Variants in IGF1R observed in about 807,000 individuals in gnomAD.
The protein encoded by IGF1R is insulin-like growth factor 1 receptor.
Under a neutral mutation model 144.6 loss-of-function variants are expected in IGF1R, and 44 were observed. The observed-to-expected ratio is 0.30, with a 90% CI of 0.24 to 0.39. IGF1R has a LOEUF of 0.39. IGF1R is among the 10% of genes least tolerant of loss of function. IGF1R has a pLI of 1.00. For synonymous variants in IGF1R, 795 were observed against 722.8 expected, an observed-to-expected ratio of 1.10 and a Z score of -1.60; for missense variants, 1,355 against 1,833.7, an observed-to-expected ratio of 0.74 and a Z score of 4.77.
intron 2 of IGF1R, among the ~76,000 whole-genome samples, chr15:98,747,055 A>G (rs1452148678): frequency 1.3e-5 from 2 of 152,224 alleles, no homozygotes; most frequent in Non-Finnish European, 2.9e-5. Flanking sequence ...TTAACTCTCT[A>G]GTGCCAAATG....
At chr15:98,737,397 C>T (rs2054636056) in intron 2 of IGF1R, among the ~76,000 whole-genome samples, 3 of 152,194 alleles carry the variant, frequency 2.0e-5, no homozygotes, top group Middle Eastern at 3.4e-3. Context: ...GGAACCCTTG[C>T]GTTTGTTCTG....
At chr15:98,917,140 A>G (rs1272383208) in intron 10 of IGF1R, among the ~76,000 whole-genome samples, 1 of 152,194 alleles carries the variant, frequency 6.6e-6, no homozygotes, top group Non-Finnish European at 1.5e-5. Flanking sequence ...AACCCCCCAC[A>G]GAGAGCAGGT....
rs1287929117 is a variant in IGF1R at position 98,762,242 on chromosome 15, T to C, written c.640+54135T>C. 7.0e-5 allele frequency among the ~76,000 whole-genome samples: 9 copies of C among 128,364 alleles called. No individual in the cohort carries two copies. The East Asian group carries it at 2.2e-3, about 32-fold the overall frequency. 84.2% of individuals were successfully genotyped at this position (128,364 alleles called of 152,430 possible). On this transcript the variant is annotated intron_variant, in intron 2 of 20. Transcript: ENST00000650285. ...ATTTTTCTTTTCTTTTCTTTTCTTT[T>C]TTTTTTTTTTTTTGAGATGGAGTCT...
intron 1 of IGF1R, among the ~76,000 whole-genome samples, chr15:98,682,779 T>G (rs1738337515): frequency 6.6e-6 from 1 of 151,852 alleles, no homozygotes; most frequent in Admixed American, 6.6e-5. Context: ...AACTCCTGAT[T>G]AGGTGATCCA....
intron 2 of IGF1R, among the ~76,000 whole-genome samples, chr15:98,726,023 G>A (rs1053868917): frequency 3.9e-5 from 6 of 152,174 alleles, no homozygotes; most frequent in Non-Finnish European, 8.8e-5. Flanking sequence ...CGGGGACACA[G>A]CCAAATCATA....
chr15:98,776,594 A>G (rs1391358921), intron 2 of IGF1R, among the ~76,000 whole-genome samples: 2 of 151,510 alleles, frequency 1.3e-5, no homozygotes, highest in African/African-American at 4.9e-5. Flanking sequence ...CCTTCCCCCT[A>G]CCTCCCTGTT....
chr15:98,788,672 G>A (rs767858254), intron 2 of IGF1R, among the ~76,000 whole-genome samples: 2 of 152,184 alleles, frequency 1.3e-5, no homozygotes, highest in Admixed American at 6.5e-5. Context: ...GGATGCGCCC[G>A]CCCTGCTGAG....
At chr15:98,913,777 A>T (rs1178955683) in intron 8 of IGF1R, among the ~76,000 whole-genome samples, 1 of 152,220 alleles carries the variant, frequency 6.6e-6, no homozygotes, top group Non-Finnish European at 1.5e-5. Context: ...ACTGATGATG[A>T]GGTTCCTCCT....
chr15:98,809,252 G>A (rs1040284850), intron 2 of IGF1R, among the ~76,000 whole-genome samples: 1 of 152,256 alleles, frequency 6.6e-6, no homozygotes, highest in African/African-American at 2.4e-5. Context: ...CTGGCTAGCA[G>A]TACTTCAGGG....
In IGF1R at chr15:98,701,227, G is replaced by A. The variant is rs546362125; in HGVS notation, c.95-6335G>A. On this transcript the variant is annotated intron_variant, in intron 1 of 20. Transcript: ENST00000650285. ...AAGATGATGATTGGTTCACTAATGT[G>A]CTTTACCTTCACAGTGTGCCTGTAG... is the stretch of plus-strand genomic sequence containing the variant. Among the ~76,000 whole-genome samples the A allele has an allele frequency of 3.3e-5, 5 of 151,746 alleles. No homozygotes were observed. In the South Asian group the frequency reaches 1.0e-3, roughly 32 times the overall value.
chr15:98,794,111 A>G (rs1490388972), intron 2 of IGF1R, among the ~76,000 whole-genome samples: 4 of 152,232 alleles, frequency 2.6e-5, no homozygotes, highest in Admixed American at 6.5e-5. Context: ...CAGTTCAGCT[A>G]TGTGACTGAA....
At chr15:98,672,827 GAAA>G (rs1230319217) in intron 1 of IGF1R, among the ~76,000 whole-genome samples, 1 of 152,028 alleles carries the variant, frequency 6.6e-6, no homozygotes, top group Non-Finnish European at 1.5e-5. Context: ...CGGGTACCTG[GAAA>G]GTTGAAGCAG....
At chr15:98,710,210 G>C (rs981839945) in intron 2 of IGF1R, among the ~76,000 whole-genome samples, 1 of 152,282 alleles carries the variant, frequency 6.6e-6, no homozygotes, top group Middle Eastern at 3.4e-3. Flanking sequence ...GCCACGCCCT[G>C]CAGCCTTCTC....
intron 2 of IGF1R, among the ~76,000 whole-genome samples, chr15:98,843,540 T>C (rs1475271326): frequency 1.3e-5 from 2 of 152,148 alleles, no homozygotes; most frequent in Non-Finnish European, 2.9e-5. Context: ...TTTTAAAATA[T>C]TAAAAAATTG....
chr15:98,706,081 T>A (rs1251460419), intron 1 of IGF1R, among the ~76,000 whole-genome samples: 1 of 152,244 alleles, frequency 6.6e-6, no homozygotes, highest in African/African-American at 2.4e-5. Flanking sequence ...ACCTCTTGTC[T>A]GTCCTGCTTA....
intron 2 of IGF1R, among the ~76,000 whole-genome samples, chr15:98,849,007 A>G (rs1375364188): frequency 6.6e-6 from 1 of 152,204 alleles, no homozygotes; most frequent in Non-Finnish European, 1.5e-5. Flanking sequence ...AGTTCTCCGT[A>G]AGTTTTTCAA....
intron 2 of IGF1R, among the ~76,000 whole-genome samples, chr15:98,854,554 T>C (rs2011687242): frequency 6.6e-6 from 1 of 152,170 alleles, no homozygotes; most frequent in Non-Finnish European, 1.5e-5. Flanking sequence ...AATTCATCTT[T>C]TGCTGGGTTT....
chr15:98,689,064 A>T (rs139579495), intron 1 of IGF1R, among the ~76,000 whole-genome samples: 1 of 152,078 alleles, frequency 6.6e-6, no homozygotes, highest in African/African-American at 2.4e-5. Flanking sequence ...GCAAAAATCA[A>T]TGTTAGTGAA....
At chr15:98,705,087 A>C (rs1023554764) in intron 1 of IGF1R, among the ~76,000 whole-genome samples, 1 of 152,182 alleles carries the variant, frequency 6.6e-6, no homozygotes, top group Non-Finnish European at 1.5e-5. Context: ...GGCCAGTGAC[A>C]TGAATTTGAT....
Sources: gnomAD v4.1 joint callset for allele counts (sites outside exome capture counted in the v4.1 genomes callset) on GRCh38, gnomAD v4.1.1 for gene constraint, MANE v1.5 for transcripts, NCBI Gene and HGNC (gene_info 2026-07-23, HGNC 2026-07-21) for gene names.